Variants in CSTPP1 observed in about 807,000 individuals in gnomAD.
The protein encoded by CSTPP1 is centriolar satellite-associated tubulin polyglutamylase complex regulator 1, also known as UPF0705 protein C11orf49.
At chr11:47,043,380 A>C in the CSTPP1 span, among the ~76,000 whole-genome samples, 2 of 151,970 alleles carry the variant, frequency 1.3e-5, no homozygotes, top group Non-Finnish European at 2.9e-5. Context: ...CCGTCTATTA[A>C]AAAAACAAAA....
the CSTPP1 span, among the ~76,000 whole-genome samples, chr11:47,088,106 C>T: frequency 3.9e-5 from 6 of 152,146 alleles, no homozygotes; most frequent in Non-Finnish European, 7.3e-5. Context: ...CACATTCTGT[C>T]GCTTTTGTTT....
the CSTPP1 span, among the ~76,000 whole-genome samples, chr11:47,136,329 C>T: frequency 2.6e-5 from 4 of 152,114 alleles, no homozygotes; most frequent in Non-Finnish European, 5.9e-5. Context: ...GGCAATGACT[C>T]CCTCCCTTGA....
chr11:47,036,331 CAAGTG>C, the CSTPP1 span, among the ~76,000 whole-genome samples: 1 of 89,844 alleles, frequency 1.1e-5, no homozygotes, highest in East Asian at 2.6e-4. Flanking sequence ...TGAAAACAAA[CAAGTG>C]AAGCAAATTG....
At chr11:47,000,608 G>A in the CSTPP1 span, among the ~76,000 whole-genome samples, 1 of 152,220 alleles carries the variant, frequency 6.6e-6, no homozygotes, top group Admixed American at 6.5e-5. Flanking sequence ...TTATTTTAAG[G>A]ATACGTGAGA....
the CSTPP1 span, among the ~76,000 whole-genome samples, chr11:47,031,777 G>A: frequency 6.6e-6 from 1 of 151,182 alleles, no homozygotes; most frequent in East Asian, 1.9e-4. Context: ...GTTCTCTAGA[G>A]GGATGGAACT....
At chr11:47,068,344 C>T in the CSTPP1 span, among the ~76,000 whole-genome samples, 291 of 152,122 alleles carry the variant, frequency 1.9e-3, 2 homozygotes, top group African/African-American at 6.6e-3. Context: ...CCAACCTGGC[C>T]AACATGGTGA....
At chr11:47,051,615 G>T in the CSTPP1 span, among the ~76,000 whole-genome samples, 5 of 151,824 alleles carry the variant, frequency 3.3e-5, no homozygotes, top group Non-Finnish European at 5.9e-5. Flanking sequence ...AGCCACTCCA[G>T]TTATGTCCCC....
At chr11:46,979,870 G>A in the CSTPP1 span, among the ~76,000 whole-genome samples, 1 of 152,136 alleles carries the variant, frequency 6.6e-6, no homozygotes, top group Non-Finnish European at 1.5e-5. Flanking sequence ...CCGCGATCAC[G>A]CCACTACACT....
the CSTPP1 span, among the ~76,000 whole-genome samples, chr11:47,062,172 T>G: frequency 6.6e-6 from 1 of 152,206 alleles, no homozygotes; most frequent in Admixed American, 6.5e-5. Flanking sequence ...AGTTTCTGAC[T>G]CAGTATTTAC....
At chr11:47,082,066 C>A in the CSTPP1 span, among the ~76,000 whole-genome samples, 1 of 147,466 alleles carries the variant, frequency 6.8e-6, no homozygotes. Flanking sequence ...GAGGGGATCA[C>A]TTGAGCCCAG....
the CSTPP1 span, among the ~76,000 whole-genome samples, chr11:47,099,945 C>G: frequency 6.6e-6 from 1 of 152,162 alleles, no homozygotes; most frequent in Non-Finnish European, 1.5e-5. Context: ...TTATAGGACT[C>G]TCTTTCTCTC....
chr11:47,153,316 A>G, the CSTPP1 span, among the ~76,000 whole-genome samples: 1 of 152,186 alleles, frequency 6.6e-6, no homozygotes, highest in African/African-American at 2.4e-5. Flanking sequence ...CCCGCCCTCC[A>G]GCCTTGAATT....
At chr11:47,043,240 C>T in the CSTPP1 span, among the ~76,000 whole-genome samples, 2 of 152,176 alleles carry the variant, frequency 1.3e-5, no homozygotes, top group Admixed American at 1.3e-4. Flanking sequence ...TGAGAAATGG[C>T]TTACATAAAA....
chr11:47,138,013 C>A, the CSTPP1 span: 15 of 492,436 alleles, frequency 3.0e-5, no homozygotes, highest in Admixed American at 2.4e-4. Flanking sequence ...TCCAATACCC[C>A]CACACACACA....
the CSTPP1 span, among the ~76,000 whole-genome samples, chr11:47,007,374 A>G: frequency 6.6e-6 from 1 of 152,000 alleles, no homozygotes; most frequent in Non-Finnish European, 1.5e-5. Context: ...TTTTCTTCTG[A>G]TCTATTTTCC....
At chr11:47,050,094 G>T in the CSTPP1 span, among the ~76,000 whole-genome samples, 2 of 152,022 alleles carry the variant, frequency 1.3e-5, no homozygotes, top group African/African-American at 4.8e-5. Flanking sequence ...ACCTAGAAGG[G>T]TTATTAAAGG....
chr11:47,106,893 T>C, the CSTPP1 span, among the ~76,000 whole-genome samples: 6 of 152,278 alleles, frequency 3.9e-5, no homozygotes, highest in East Asian at 1.2e-3. Flanking sequence ...CTTTGTCTCC[T>C]TACCCACTCA....
At chr11:47,026,488 G>A in the CSTPP1 span, among the ~76,000 whole-genome samples, 1 of 152,250 alleles carries the variant, frequency 6.6e-6, no homozygotes, top group South Asian at 2.1e-4. Flanking sequence ...AAGACAGGAA[G>A]AAATCAATAA....
chr11:47,143,375 A>G, the CSTPP1 span, among the ~76,000 whole-genome samples: 3 of 152,218 alleles, frequency 2.0e-5, no homozygotes, highest in Non-Finnish European at 2.9e-5. Flanking sequence ...GGCTTACTTT[A>G]TTCAGGACAC....
Sources: allele counts gnomAD v4.1 joint callset (sites outside exome capture counted in the v4.1 genomes callset), GRCh38; gene constraint gnomAD v4.1.1; transcripts MANE v1.5; gene names NCBI Gene and HGNC (gene_info 2026-07-23, HGNC 2026-07-21).